The following ALK variants were observed in gnomAD, a reference collection of about 807,000 sequenced individuals.
ALK encodes ALK receptor tyrosine kinase, also known as ALK tyrosine kinase receptor.
A neutral mutation model predicts 163.1 loss-of-function variants in ALK; 74 were observed. That is an observed-to-expected ratio of 0.45 (90% CI 0.38 to 0.55). The LOEUF (loss-of-function observed/expected upper bound fraction) is 0.55. Among genes scored for constraint, ALK ranks in the 20% least tolerant of loss-of-function variants. The probability of loss-of-function intolerance (pLI) is 0.00; values close to 1 mark genes in which losing one functional copy is unlikely to be tolerated. For missense variants in ALK, 2,063 were observed against 2,105.3 expected, an observed-to-expected ratio of 0.98 and a Z score of 0.39; for synonymous variants, 960 against 843.2, an observed-to-expected ratio of 1.14 and a Z score of -2.40.
At chr2:29,752,095 G>A (rs1361946693) in intron 1 of ALK, among the ~76,000 whole-genome samples, 1 of 152,154 alleles carries the variant, frequency 6.6e-6, no homozygotes, top group African/African-American at 2.4e-5. Flanking sequence ...CTGAACTTAT[G>A]ATGGCATAAC....
intron 3 of ALK, among the ~76,000 whole-genome samples, chr2:29,678,257 T>C (rs1677945437): frequency 6.6e-6 from 1 of 151,940 alleles, no homozygotes; most frequent in Non-Finnish European, 1.5e-5. Flanking sequence ...AACAAATTTT[T>C]GGGTTCAATG....
intron 1 of ALK, among the ~76,000 whole-genome samples, chr2:29,843,441 A>G (rs370110593): frequency 1.3e-5 from 2 of 152,268 alleles, no homozygotes; most frequent in South Asian, 2.1e-4. Context: ...AGGAAGGAGG[A>G]AGAAAAGAAG....
At chr2:29,705,467 A>C (rs1678881670) in intron 2 of ALK, among the ~76,000 whole-genome samples, 1 of 151,098 alleles carries the variant, frequency 6.6e-6, no homozygotes, top group African/African-American at 2.4e-5. Context: ...ACCTGACTTG[A>C]CCTTGGAGGA....
chr2:29,671,562 T>G, intron 3 of ALK, among the ~76,000 whole-genome samples: 1 of 152,180 alleles, frequency 6.6e-6, no homozygotes, highest in East Asian at 1.9e-4. Flanking sequence ...GAGAAGCTGG[T>G]TGACCACCTC....
intron 2 of ALK, among the ~76,000 whole-genome samples, chr2:29,717,147 G>A (rs1679282977): frequency 7.0e-6 from 1 of 142,862 alleles, no homozygotes; most frequent in Non-Finnish European, 1.5e-5. Flanking sequence ...ACTCCAGCCT[G>A]GGCGACAGAG....
At chr2:29,660,383 A>G (rs149883804) in intron 3 of ALK, among the ~76,000 whole-genome samples, 69 of 152,198 alleles carry the variant, frequency 4.5e-4, no homozygotes, top group Non-Finnish European at 5.3e-4. Flanking sequence ...TTGCCAAGAC[A>G]GGTGGGCAAA....
At chr2:29,893,575 T>G (rs1323753133) in intron 1 of ALK, among the ~76,000 whole-genome samples, 1 of 152,164 alleles carries the variant, frequency 6.6e-6, no homozygotes, top group African/African-American at 2.4e-5. Flanking sequence ...TGGGGAATGT[T>G]CCAGGATTCT....
At chr2:29,321,014 G>T in intron 6 of ALK, 132 bp from the exon 7 acceptor site, 2 of 1,121,698 alleles carry the variant, frequency 1.8e-6, no homozygotes, top group Non-Finnish European at 2.7e-6. Flanking sequence ...CAGAATGCTG[G>T]ATGACTAATG....
At chr2:29,911,080 A>G (rs1016730680) in intron 1 of ALK, among the ~76,000 whole-genome samples, 1 of 152,208 alleles carries the variant, frequency 6.6e-6, no homozygotes, top group African/African-American at 2.4e-5. Context: ...AGCAATTCAT[A>G]TGAAGGCAAG....
At chr2:29,609,708 A>G (rs1210494768) in intron 3 of ALK, among the ~76,000 whole-genome samples, 1 of 151,834 alleles carries the variant, frequency 6.6e-6, no homozygotes, top group African/African-American at 2.4e-5. Flanking sequence ...CAATAGCACA[A>G]TAACAGCTCA....
rs374733353 is a variant in ALK, at chr2:29,193,550, C to A, written c.4537G>T (p.Glu1513Ter). The A allele has an allele frequency of 6.2e-7, 1 of 1,614,218 alleles. No homozygotes were observed. Among genetic ancestry groups the A allele is most frequent in the South Asian group, 1.1e-5 (1 of 91,086 alleles). The change falls in exon 29 of 29, where the codon GAG becomes TAG. Residue 1513 changes from glutamate (E) to a stop codon, truncating the protein, a stop_gained. Coordinates refer to ENST00000389048, the MANE Select transcript of ALK (RefSeq NM_004304.5). LOFTEE classifies it low-confidence loss of function (END_TRUNC). ...GGATTATTCTTTTTGGTGGGTTTCT[C>A]TGTAAACCAGGAGCCGTACGTTGGG... ...WNPTYGSWFT[E>*]KPTKKNNPIA...
rs1681116337 is a variant in ALK, at chr2:29,774,498, AC to A, written c.668-56802del. Among the ~76,000 whole-genome samples the A allele has an allele frequency of 2.6e-5, 4 of 152,298 alleles. No individual in the cohort carries two copies. In the South Asian group the frequency reaches 8.3e-4, roughly 32 times the overall value. On this transcript the variant is annotated intron_variant, in intron 1 of 28. Coordinates refer to ENST00000389048, the MANE Select transcript of ALK (RefSeq NM_004304.5). ...CATCTCTGTTTTGAGCCTCTCAACA[AC>A]CTTATGACAAGGGCAGAGCTGGCAG...
At chr2:29,241,018 C>T (rs1181045139) in intron 12 of ALK, among the ~76,000 whole-genome samples, 2 of 152,224 alleles carry the variant, frequency 1.3e-5, no homozygotes, top group Non-Finnish European at 2.9e-5. Flanking sequence ...GCCCACGGCC[C>T]TTCTGCAGAG....
chr2:29,548,271 G>A (rs4389289), intron 3 of ALK, among the ~76,000 whole-genome samples: 147,507 of 152,228 alleles, frequency 0.97, 71,655 homozygotes, highest in East Asian at 1. Context: ...CAGGAGACTG[G>A]GACCGTCCTG....
At chr2:29,675,424 G>T (rs1677842924) in intron 3 of ALK, among the ~76,000 whole-genome samples, 1 of 151,802 alleles carries the variant, frequency 6.6e-6, no homozygotes, top group African/African-American at 2.4e-5. Context: ...ACAACTGTGA[G>T]ATCCTGAGAG....
intron 3 of ALK, among the ~76,000 whole-genome samples, chr2:29,684,809 A>T (rs1406788748): frequency 6.6e-6 from 1 of 152,218 alleles, no homozygotes; most frequent in South Asian, 2.1e-4. Flanking sequence ...AATGGTAAGA[A>T]CATAAGACTG....
intron 4 of ALK, among the ~76,000 whole-genome samples, chr2:29,529,001 C>T (rs1160038246): frequency 2.0e-5 from 3 of 152,182 alleles, no homozygotes; most frequent in African/African-American, 7.2e-5. Flanking sequence ...CACTCATGCT[C>T]TGTGATTCAT....
chr2:29,542,128 G>T lies in ALK; in HGVS notation c.953-10012C>A, dbSNP rs375147133. Among the ~76,000 whole-genome samples the T allele has an allele frequency of 6.2e-4, 95 of 152,208 alleles. 3 individuals are homozygous for T. The Middle Eastern group carries it at 0.017, about 27-fold the overall frequency. ...TTCTCCAATTAATCTGCCCTTTGTG[G>T]GTTAATTTTTCCATGAACCTTCAGA... On this transcript the variant is annotated intron_variant, in intron 3 of 28. Transcript: ENST00000389048.
At chr2:29,737,645 G>T (rs544869782) in intron 1 of ALK, among the ~76,000 whole-genome samples, 2 of 152,014 alleles carry the variant, frequency 1.3e-5, no homozygotes, top group Non-Finnish European at 2.9e-5. Flanking sequence ...AAAAGAACTG[G>T]CAAACTAGGG....
Sources: gnomAD v4.1 joint callset for allele counts (sites outside exome capture counted in the v4.1 genomes callset) on GRCh38, gnomAD v4.1.1 for gene constraint, MANE v1.5 for transcripts, NCBI Gene and HGNC (gene_info 2026-07-23, HGNC 2026-07-21) for gene names.